NELL1: variants seen among roughly 807,000 people sequenced by gnomAD.
The protein encoded by NELL1 is protein kinase C-binding protein NELL1.
A neutral mutation model predicts 107.4 loss-of-function variants in NELL1; 76 were observed. The observed-to-expected ratio is 0.71, with a 90% CI of 0.59 to 0.86. NELL1 has a LOEUF of 0.86. Among genes scored for constraint, NELL1 ranks in the 40% least tolerant of loss-of-function variants. NELL1 has a pLI of 0.00. For missense variants in NELL1, 1,024 were observed against 1,005.5 expected (o/e 1.02, Z -0.25); for synonymous variants, 353 against 341.2 (o/e 1.03, Z -0.38).
chr11:21,149,764 G>A (rs760955037), intron 13 of NELL1, among the ~76,000 whole-genome samples: 6 of 152,164 alleles, frequency 3.9e-5, no homozygotes, highest in African/African-American at 1.4e-4. Context: ...CAGAATTTCC[G>A]TTCTCATGGA....
chr11:21,325,683 A>G (rs1850115884), intron 14 of NELL1, among the ~76,000 whole-genome samples: 1 of 152,054 alleles, frequency 6.6e-6, no homozygotes. Context: ...GTACTTTTAA[A>G]CAAGCTATGA....
intron 5 of NELL1, among the ~76,000 whole-genome samples, chr11:20,899,111 C>T (rs1322301539): frequency 3.3e-5 from 5 of 151,950 alleles, no homozygotes; most frequent in Middle Eastern, 6.3e-3. Flanking sequence ...AGTTAGTAAG[C>T]GTATGGATTT....
At position 20,669,789 on chromosome 11, in the gene NELL1, CTG is replaced by C. The variant is rs1853848581; in HGVS notation, c.55+14_55+15del. 6.2e-7 allele frequency: 1 copy of C among 1,611,766 alleles called. No individual in the cohort carries two copies. The highest frequency in any genetic ancestry group is 8.5e-7 in the Non-Finnish European group (1 of 1,178,142). On this transcript the variant is annotated intron_variant, in intron 1 of 19. Coordinates refer to ENST00000357134, the MANE Select transcript of NELL1 (RefSeq NM_006157.5). This position sits in a 1 kb window ranked among gnomAD's most constrained non-coding sequence, Gnocchi z 4.4. ...GCACTGCCAGGACAGGTAAGCATGA[CTG>C]TGGCGGTTAGAGGGATCCGGGAAAT...
intron 15 of NELL1, among the ~76,000 whole-genome samples, chr11:21,390,433 G>A (rs1398750498): frequency 6.7e-6 from 1 of 149,914 alleles, no homozygotes; most frequent in Non-Finnish European, 1.5e-5. Context: ...TTCAGTTTTA[G>A]ATGTTACCTA....
intron 12 of NELL1, among the ~76,000 whole-genome samples, chr11:20,988,385 G>A (rs1487952510): frequency 3.3e-5 from 5 of 149,672 alleles, no homozygotes; most frequent in South Asian, 2.1e-4. Context: ...ACATATATAT[G>A]TGTATATATA....
At chr11:20,733,976 A>G (rs1443151220) in intron 2 of NELL1, among the ~76,000 whole-genome samples, 1 of 152,200 alleles carries the variant, frequency 6.6e-6, no homozygotes, top group Non-Finnish European at 1.5e-5. Flanking sequence ...AAAGGAAAGC[A>G]ACAGAGTACA....
intron 15 of NELL1, among the ~76,000 whole-genome samples, chr11:21,516,168 G>A (rs1855556850): frequency 6.6e-6 from 1 of 152,130 alleles, no homozygotes; most frequent in Non-Finnish European, 1.5e-5. Flanking sequence ...ACCATTCTGT[G>A]GCCTTGGGAG....
intron 9 of NELL1, among the ~76,000 whole-genome samples, chr11:20,933,715 A>G (rs55806296): frequency 0.011 from 1,646 of 152,328 alleles, 34 homozygotes; most frequent in African/African-American, 0.038. Flanking sequence ...TTGTATCCAC[A>G]TCTGACAGGG....
At chr11:21,163,724 C>T (rs1292420988) in intron 13 of NELL1, among the ~76,000 whole-genome samples, 3 of 152,084 alleles carry the variant, frequency 2.0e-5, no homozygotes, top group African/African-American at 7.2e-5. Context: ...TCTTGGCCTG[C>T]CTTTTTCTGT....
At chr11:20,839,372 T>C (rs1266660431) in intron 3 of NELL1, among the ~76,000 whole-genome samples, 2 of 152,196 alleles carry the variant, frequency 1.3e-5, no homozygotes, top group African/African-American at 2.4e-5. Context: ...AGAACTAATA[T>C]GTAACTTTAC....
chr11:20,739,191 A>C (rs958811749), intron 2 of NELL1, among the ~76,000 whole-genome samples: 4 of 152,226 alleles, frequency 2.6e-5, no homozygotes, highest in African/African-American at 9.6e-5. Context: ...AGCAGGGAAC[A>C]CGGCAACGTT....
chr11:21,295,122 T>C (rs1849347670), intron 14 of NELL1, among the ~76,000 whole-genome samples: 1 of 152,116 alleles, frequency 6.6e-6, no homozygotes, highest in Non-Finnish European at 1.5e-5. Context: ...GGTTTACAAA[T>C]ATTAATAAAT....
chr11:21,358,543 C>T (rs1217302072), intron 14 of NELL1, among the ~76,000 whole-genome samples: 2 of 149,190 alleles, frequency 1.3e-5, no homozygotes, highest in Non-Finnish European at 3.0e-5. Flanking sequence ...GGATTACAGA[C>T]ACATGCCACC....
intron 13 of NELL1, among the ~76,000 whole-genome samples, chr11:21,181,790 A>T (rs1856832094): frequency 6.6e-6 from 1 of 151,890 alleles, no homozygotes; most frequent in African/African-American, 2.4e-5. Flanking sequence ...TCATTTAATT[A>T]ATAGAAAATA....
At chr11:20,859,001 A>G (rs1011786096) in intron 4 of NELL1, among the ~76,000 whole-genome samples, 2 of 152,156 alleles carry the variant, frequency 1.3e-5, no homozygotes, top group African/African-American at 4.8e-5. Context: ...ATTAGCCTGC[A>G]TTTTGCCTGA....
At chr11:20,696,249 G>C (rs1854614082) in intron 2 of NELL1, among the ~76,000 whole-genome samples, 1 of 151,780 alleles carries the variant, frequency 6.6e-6, no homozygotes, top group Admixed American at 6.6e-5. Context: ...TTGATTCTTT[G>C]GGTGGACTTT....
At chr11:20,949,111 G>A (rs1851023413) in intron 11 of NELL1, among the ~76,000 whole-genome samples, 1 of 152,198 alleles carries the variant, frequency 6.6e-6, no homozygotes, top group South Asian at 2.1e-4. Context: ...ATAAATGGGT[G>A]TGACCATGTT....
chr11:21,145,659 C>T (rs974106075), intron 13 of NELL1, among the ~76,000 whole-genome samples: 2 of 152,176 alleles, frequency 1.3e-5, no homozygotes, highest in African/African-American at 4.8e-5. Flanking sequence ...ATGTCTTAGA[C>T]ATTTTTAGTA....
chr11:21,495,853 G>T (rs903375684), intron 15 of NELL1, among the ~76,000 whole-genome samples: 1 of 151,926 alleles, frequency 6.6e-6, no homozygotes, highest in Non-Finnish European at 1.5e-5. Context: ...AAAACGGGTT[G>T]TCTCTTTTCT....
Sources: allele counts gnomAD v4.1 joint callset (sites outside exome capture counted in the v4.1 genomes callset), GRCh38; gene constraint gnomAD v4.1.1; non-coding constraint Gnocchi (gnomAD v3.1); transcripts MANE v1.5; gene names NCBI Gene and HGNC (gene_info 2026-07-23, HGNC 2026-07-21).